The following FANCD2 variants were observed in gnomAD, a reference collection of about 807,000 sequenced individuals.
FANCD2 encodes the protein Fanconi anemia group D2 protein.
FANCD2 carries 131 observed loss-of-function variants against 192.3 expected under a neutral mutation model. That is an observed-to-expected ratio of 0.68 (90% CI 0.59 to 0.79). FANCD2 has a LOEUF of 0.79. Among genes scored for constraint, FANCD2 ranks in the 30% least tolerant of loss-of-function variants. The probability of loss-of-function intolerance (pLI) is 0.00; values close to 1 mark genes in which losing one functional copy is unlikely to be tolerated. For missense variants in FANCD2, 1,508 were observed against 1,701.6 expected (o/e 0.89, Z 2.00); for synonymous variants, 524 against 612.5 (o/e 0.86, Z 2.13).
At chr3:10,059,106 C>A (rs1469322217) in intron 18 of FANCD2, among the ~76,000 whole-genome samples, 1 of 152,064 alleles carries the variant, frequency 6.6e-6, no homozygotes, top group Admixed American at 6.6e-5. Flanking sequence ...CTTGACTTCC[C>A]AGGCTCAGGT....
At chr3:10,043,014 G>A (rs376351939) in intron 11 of FANCD2, 36 bp from the exon 12 acceptor site, 3 of 1,566,400 alleles carry the variant, frequency 1.9e-6, no homozygotes, top group Non-Finnish European at 2.6e-6. Flanking sequence ...CACTATGAAT[G>A]AGCAGAAAAC....
chr3:10,099,023 T>C, intron 43 of FANCD2: 3 of 1,611,688 alleles, frequency 1.9e-6, no homozygotes, highest in South Asian at 1.1e-5. Context: ...CTCCTGAGTA[T>C]CTCGAGTTGT....
chr3:10,067,434 C>T, intron 26 of FANCD2, 117 bp downstream of exon 26: 3 of 690,436 alleles, frequency 4.3e-6, no homozygotes, highest in Non-Finnish European at 5.3e-6. Context: ...AAATCTCAGG[C>T]CAATATCCCT....
intron 30 of FANCD2, among the ~76,000 whole-genome samples, chr3:10,078,946 CA>C (rs143161480): frequency 0.2 from 29,582 of 146,862 alleles, 3,349 homozygotes; most frequent in African/African-American, 0.32. Context: ...TCGTCTCAAA[CA>C]AAAAAAAAAG....
chr3:10,030,191 G>A (rs1195332888), intron 2 of FANCD2, among the ~76,000 whole-genome samples: 1 of 151,688 alleles, frequency 6.6e-6, no homozygotes, highest in African/African-American at 2.4e-5. Context: ...CCGCCTCCCG[G>A]GTTCAAGCGA....
chr3:10,041,591 A>G (rs755297230), intron 9 of FANCD2, 32 bp from the exon 10 acceptor site: 2 of 1,452,758 alleles, frequency 1.4e-6, no homozygotes, highest in East Asian at 4.5e-5. Flanking sequence ...TCAAACCATT[A>G]TACAACTTTT....
intron 5 of FANCD2, 103 bp downstream of exon 5, chr3:10,034,901 G>T: frequency 1.1e-6 from 1 of 896,192 alleles, no homozygotes; most frequent in East Asian, 2.6e-5. Flanking sequence ...CATTTTTGGT[G>T]TAAGCTCTGT....
chr3:10,088,060 A>G (rs1408280386), intron 34 of FANCD2, among the ~76,000 whole-genome samples: 4 of 152,180 alleles, frequency 2.6e-5, no homozygotes, highest in African/African-American at 4.8e-5. Context: ...ATTTATCCCT[A>G]TTGATTAAAA....
chr3:10,074,500 AT>A (rs1323271276), intron 28 of FANCD2, 29 bp from the exon 29 acceptor site: 2 of 1,596,148 alleles, frequency 1.3e-6, no homozygotes, highest in Admixed American at 1.7e-5. Flanking sequence ...AGATTTATAT[AT>A]TCTCTTTGTT....
chr3:10,072,159 C>A (rs1007386935), intron 26 of FANCD2, among the ~76,000 whole-genome samples: 4 of 152,072 alleles, frequency 2.6e-5, no homozygotes, highest in African/African-American at 9.7e-5. Flanking sequence ...TTGTTTGTAA[C>A]ACAAAGAAAT....
chr3:10,061,762 T>G (rs574123546), intron 19 of FANCD2, among the ~76,000 whole-genome samples: 4 of 152,206 alleles, frequency 2.6e-5, no homozygotes, highest in Non-Finnish European at 5.9e-5. Context: ...ATAAATACTC[T>G]TCGCTGCCTT....
At chr3:10,087,091 T>A (rs1029196242) in intron 33 of FANCD2, 43 bp from the exon 34 acceptor site, 1 of 1,609,606 alleles carries the variant, frequency 6.2e-7, no homozygotes, top group African/African-American at 1.3e-5. Context: ...CTGTGACACA[T>A]AGGATACTAT....
chr3:10,053,043 A>G (rs1166883254), intron 18 of FANCD2, among the ~76,000 whole-genome samples: 4 of 142,418 alleles, frequency 2.8e-5, no homozygotes, highest in Non-Finnish European at 6.0e-5. Flanking sequence ...TACCCAAAGG[A>G]CTATAAATCA....
Position 10,043,351 on chromosome 3 carries a change from G to T in FANCD2, c.990-133G>T, listed in dbSNP as rs803335. 759,673 of 820,720 alleles carry T rather than the reference G, an allele frequency of 0.93. 352,073 individuals carry two copies. The highest frequency in any genetic ancestry group is 1 in the East Asian group (37,766 of 37,828). The allele number at this position is 820,720 out of a possible 1,614,324, so 50.8% of individuals were successfully genotyped here. A position where few individuals can be genotyped will look rare whatever the true frequency, so the allele number is the denominator to read the frequency against. On this transcript the variant is annotated intron_variant, in intron 12 of 43. Transcript: ENST00000675286. ...CCATTCAGATCAATCCCAGACAGAC[G>T]ACAGTGCAAGTTTATTAGCCATCTT... is the stretch of plus-strand genomic sequence containing the variant.
chr3:10,089,722 C>A (rs1438445077), intron 36 of FANCD2, among the ~76,000 whole-genome samples: 1 of 152,224 alleles, frequency 6.6e-6, no homozygotes, highest in Non-Finnish European at 1.5e-5. Flanking sequence ...CCTGCCTCGG[C>A]CTCTCAAAGT....
In FANCD2 at chr3:10,088,842, A is replaced by G; in HGVS notation, c.3575A>G (p.His1192Arg). Residue 1192 changes from histidine to arginine, a missense_variant, in exon 36 of 44, where the codon CAC becomes CGC. His to Arg is a conservative substitution (Grantham distance 29, BLOSUM62 0). Transcript: ENST00000675286. ...TCTCAATGCAGTATCTACCTGGAGC[A>G]CACAGAGAGCATTCTGAAGGCCATA... ...LHALLCIYLE[H>R]TESILKAIEE... The G allele has an allele frequency of 6.2e-7, 1 of 1,614,168 alleles. No homozygotes were observed.
At chr3:10,068,775 A>C (rs1052863015) in intron 26 of FANCD2, among the ~76,000 whole-genome samples, 5 of 152,238 alleles carry the variant, frequency 3.3e-5, no homozygotes, top group Non-Finnish European at 5.9e-5. Flanking sequence ...CCAAAACAGC[A>C]TGGTGCTGGC....
At chr3:10,094,974 T>A in intron 40 of FANCD2, 1 of 558,680 alleles carries the variant, frequency 1.8e-6, no homozygotes, top group Non-Finnish European at 3.2e-6. Context: ...AAAACTAAAA[T>A]GCAGGTCTTA....
intron 18 of FANCD2, chr3:10,058,003 T>A (rs1463291195): frequency 4.5e-6 from 2 of 441,528 alleles, no homozygotes; most frequent in Non-Finnish European, 8.8e-6. Context: ...TGAGTTAAGC[T>A]ATCAAGTTTG....
Sources: allele counts gnomAD v4.1 joint callset (sites outside exome capture counted in the v4.1 genomes callset), GRCh38; gene constraint gnomAD v4.1.1; transcripts MANE v1.5; gene names NCBI Gene and HGNC (gene_info 2026-07-23, HGNC 2026-07-21).